CEP250: variants seen among roughly 807,000 people sequenced by gnomAD.
CEP250 encodes centrosome-associated protein CEP250.
A neutral mutation model predicts 315.7 loss-of-function variants in CEP250; 242 were observed. The ratio of observed to expected loss-of-function variants is 0.77; its 90% CI spans 0.69 to 0.85. The LOEUF (loss-of-function observed/expected upper bound fraction) is 0.85. Among genes scored for constraint, CEP250 ranks in the 40% least tolerant of loss-of-function variants. CEP250 has a pLI of 0.00. For synonymous variants in CEP250, 1,088 were observed against 1,175.0 expected, an observed-to-expected ratio of 0.93 and a Z score of 1.51; for missense variants, 2,515 against 2,886.4, an observed-to-expected ratio of 0.87 and a Z score of 2.95.
chr20:35,494,735 C>A, intron 24 of CEP250, 78 bp downstream of exon 24: 1 of 1,542,690 alleles, frequency 6.5e-7, no homozygotes, highest in South Asian at 1.2e-5. Flanking sequence ...GTTGTTTGCT[C>A]AGGCCACCTT....
chr20:35,491,404 C>T (rs1376095199), intron 22 of CEP250, 58 bp downstream of exon 22: 1 of 1,536,850 alleles, frequency 6.5e-7, no homozygotes, highest in Admixed American at 2.0e-5. Context: ...CCCATTCGAC[C>T]ATGAAGGGTT....
chr20:35,490,682 G>GA lies in CEP250; in HGVS notation c.2633dup (p.Ser879GlufsTer112). On this transcript the variant is annotated frameshift_variant, in exon 21 of 35. Transcript: ENST00000397527. LOFTEE classifies it high-confidence loss of function. ...CCAGCAGGAGCTGGCAAAGGCTCTG[G>GA]AGAGCTTAGAAAGGGAAAAAATGGA... 1 of 1,613,826 alleles carries GA rather than the reference G, an allele frequency of 6.2e-7. No individual in the cohort carries two copies.
In CEP250 at chr20:35,504,005, G is replaced by T. The variant is rs748465576; in HGVS notation, c.5636G>T (p.Gly1879Val). ...CTGGAGGAAGAGCTGGCAGTGGAGG[G>T]ACGGCGGGTCCAGGCCCTGGAGGAG... ...RRLEEELAVEGRRVQALEEVL... is the reference protein window; with the variant it reads ...RRLEEELAVEVRRVQALEEVL... Residue 1879 changes from glycine to valine, a missense_variant, in exon 30 of 35, where the codon GGA becomes GTA. Coordinates refer to ENST00000397527, the MANE Select transcript of CEP250 (RefSeq NM_007186.6). The T allele has an allele frequency of 6.2e-7, 1 of 1,609,352 alleles. No individual in the cohort carries two copies. The highest frequency in any genetic ancestry group is 1.7e-4 in the Middle Eastern group (1 of 6,024).
Position 35,515,418 on chromosome 20 carries a change from G to A in CEP250, c.*3792G>A, listed in dbSNP as rs2064426321. The A allele has an allele frequency of 6.6e-6, 1 of 152,308 alleles. No individual in the cohort carries two copies. Among genetic ancestry groups the A allele is most frequent in the Non-Finnish European group, 1.5e-5 (1 of 68,092 alleles). 9.4% of individuals were successfully genotyped at this position (152,308 alleles called of 1,614,324 possible). A position where few individuals can be genotyped will look rare whatever the true frequency, so the allele number is the denominator to read the frequency against. On this transcript the variant is annotated 3_prime_UTR_variant, in exon 35 of 35. Transcript: ENST00000397527. Reference sequence around the variant, plus strand: ...CAAACCAGGCAGACACACCATGCTGGTGAAGGCAGGCTTTGTAGATGCGGG... The same window carrying A: ...CAAACCAGGCAGACACACCATGCTGATGAAGGCAGGCTTTGTAGATGCGGG...
chr20:35,485,478 A>AGATTTTT (rs2063483125), intron 20 of CEP250, among the ~76,000 whole-genome samples: 1 of 151,352 alleles, frequency 6.6e-6, no homozygotes, highest in African/African-American at 2.4e-5. Flanking sequence ...ACCCCAGTCC[A>AGATTTTT]GATTTTTGTT....
At chr20:35,491,088 C>T (rs1411628694) in intron 21 of CEP250, 124 bp from the exon 22 acceptor site, 3 of 1,225,412 alleles carry the variant, frequency 2.4e-6, no homozygotes, top group Non-Finnish European at 3.4e-6. Flanking sequence ...TCAGACCTTC[C>T]TTTGCCCTCA....
In CEP250 at chr20:35,496,640, T is replaced by C; in HGVS notation, c.3231T>C (p.Ile1077=). ...TTGTTTTACAAGAAGCTGACTCTAT[T>C]CGACAACAAGAGCTGAGTGCCCTGC... The part of the protein sequence containing the change: ...RLLVLQEADS[I]RQQELSALRQ... The change falls in exon 25 of 35, where the codon ATT becomes ATC. Residue 1077 remains isoleucine (I), a synonymous_variant. Coordinates refer to ENST00000397527, the MANE Select transcript of CEP250 (RefSeq NM_007186.6). 6.2e-7 allele frequency: 1 copy of C among 1,614,084 alleles called. No homozygotes were observed. The highest frequency in any genetic ancestry group is 8.5e-7 in the Non-Finnish European group (1 of 1,179,998).
Position 35,499,648 on chromosome 20 carries a change from C to T in CEP250, c.3778-401C>T, listed in dbSNP as rs148018701. On this transcript the variant is annotated intron_variant, in intron 27 of 34. Transcript: ENST00000397527. Reference sequence around the variant, plus strand: ...GAGAATTAATTGGATCAATAACAGACGCAAGTGATGCACTGTTGGAACTAG... The same window carrying T: ...GAGAATTAATTGGATCAATAACAGATGCAAGTGATGCACTGTTGGAACTAG... 3.3e-3 allele frequency among the ~76,000 whole-genome samples: 510 copies of T among 152,282 alleles called. 3 individuals carry two copies. Among genetic ancestry groups the T allele is most frequent in the African/African-American group, 0.012 (497 of 41,538 alleles).
In CEP250 at chr20:35,477,861, TGGCCAGTAG is replaced by T. The variant is rs1460428559; in HGVS notation, c.1864-9_1864-1del. ...TGATGCTTGTACTCCCTTCCCTTTT[TGGCCAGTAG>T]TTAGAGGAGGAGAACCAGTCTGTGT... On this transcript the variant is annotated splice_acceptor_variant and splice_polypyrimidine_tract_variant and intron_variant, in intron 16 of 34. Coordinates refer to ENST00000397527, the MANE Select transcript of CEP250 (RefSeq NM_007186.6). LOFTEE classifies it high-confidence loss of function. 6.4e-7 allele frequency: 1 copy of T among 1,565,382 alleles called. No homozygotes were observed. The highest frequency in any genetic ancestry group is 1.9e-5 in the Admixed American group (1 of 51,830).
chr20:35,475,579 A>C lies in CEP250; in HGVS notation c.1649A>C (p.Glu550Ala). Residue 550 changes from glutamate (E) to alanine (A), a missense_variant, in exon 15 of 35, where the codon GAG becomes GCG. Physicochemically the swap from Glu to Ala is moderately radical, Grantham distance 107. Coordinates refer to ENST00000397527, the MANE Select transcript of CEP250 (RefSeq NM_007186.6). ...CTGATCACTCTTCGGGAAGCCCTGG[A>C]GTCAAGTCACCTGGAAGGGGAGTTA... ...SELITLREALESSHLEGELLR... is the reference protein window; with the variant it reads ...SELITLREALASSHLEGELLR... 1.2e-6 allele frequency: 2 copies of C among 1,614,118 alleles called. No homozygotes were observed. The highest frequency in any genetic ancestry group is 1.7e-6 in the Non-Finnish European group (2 of 1,180,012).
rs1360386015 is a variant in CEP250, at chr20:35,473,948, G to A, written c.1467G>A (p.Leu489=). Residue 489 remains leucine, a synonymous_variant, in exon 14 of 35, where the codon CTG becomes CTA. Coordinates refer to ENST00000397527, the MANE Select transcript of CEP250 (RefSeq NM_007186.6). The part of the protein sequence containing the change: ...LEVLEQEAWR[L]RRVNVELQLQ... ...TGCTAGAGCAGGAGGCATGGCGCCTGCGAAGGGTAAATGTGGAGCTTCAGC... is the reference window on the plus strand; with the variant it reads ...TGCTAGAGCAGGAGGCATGGCGCCTACGAAGGGTAAATGTGGAGCTTCAGC... 6 of 1,612,048 alleles carry A rather than the reference G, an allele frequency of 3.7e-6. No individual in the cohort carries two copies. The highest frequency in any genetic ancestry group is 2.2e-5 in the East Asian group (1 of 44,796).
At position 35,515,098 on chromosome 20, in the gene CEP250, C is replaced by T. The variant is rs931568769; in HGVS notation, c.*3472C>T. The T allele has an allele frequency of 7.2e-5, 11 of 152,272 alleles. No individual in the cohort carries two copies. Among genetic ancestry groups the T allele is most frequent in the African/African-American group, 2.2e-4 (9 of 41,414 alleles). The allele number at this position is 152,272 out of a possible 1,614,324, so 9.4% of individuals were successfully genotyped here. On this transcript the variant is annotated 3_prime_UTR_variant, in exon 35 of 35. Coordinates refer to ENST00000397527, the MANE Select transcript of CEP250 (RefSeq NM_007186.6). ...ACGCATGGCCCAGGACTGGCAGAGT[C>T]GGAGCTCGGGGTCTAGCTGTGACCT... is the stretch of plus-strand genomic sequence containing the variant.
intron 28 of CEP250, among the ~76,000 whole-genome samples, chr20:35,501,312 G>C (rs2063995111): frequency 6.6e-6 from 1 of 152,118 alleles, no homozygotes. Flanking sequence ...ATTCCAGCCT[G>C]GGTGACAGAG....
At chr20:35,472,879 A>C (rs1568771611) in intron 12 of CEP250, 48 bp downstream of exon 12, 1 of 1,602,714 alleles carries the variant, frequency 6.2e-7, no homozygotes, top group Non-Finnish European at 8.5e-7. Flanking sequence ...TTGTGTCTAA[A>C]CTGGTTTGTG....
intron 26 of CEP250, among the ~76,000 whole-genome samples, chr20:35,498,385 G>T (rs572723254): frequency 9.8e-5 from 15 of 152,296 alleles, no homozygotes; most frequent in African/African-American, 3.4e-4. Context: ...CTTATTAAGT[G>T]CGTAATAAGT....
At chr20:35,461,517 G>T (rs1217210499) in intron 3 of CEP250, among the ~76,000 whole-genome samples, 1 of 152,224 alleles carries the variant, frequency 6.6e-6, no homozygotes, top group Admixed American at 6.5e-5. Flanking sequence ...GGGTGAGGGG[G>T]TTTGGCCATC....
At chr20:35,461,579 C>T (rs1230075461) in intron 3 of CEP250, among the ~76,000 whole-genome samples, 3 of 152,218 alleles carry the variant, frequency 2.0e-5, no homozygotes, top group African/African-American at 7.2e-5. Context: ...GAAATGCCTG[C>T]TACCCCTTTT....
intron 20 of CEP250, among the ~76,000 whole-genome samples, chr20:35,485,053 C>A (rs1204142360): frequency 7.4e-6 from 1 of 135,156 alleles, no homozygotes; most frequent in Non-Finnish European, 1.6e-5. Flanking sequence ...CATAGCAAGA[C>A]CCTATCTCTT....
intron 10 of CEP250, 54 bp downstream of exon 10, chr20:35,470,040 G>A (rs2062986993): frequency 2.6e-6 from 3 of 1,144,546 alleles, no homozygotes; most frequent in Non-Finnish European, 4.0e-6. Context: ...TAGGTTCCTT[G>A]TGCTTTATGG....
Sources: gnomAD v4.1 joint callset for allele counts (sites outside exome capture counted in the v4.1 genomes callset) on GRCh38, gnomAD v4.1.1 for gene constraint, MANE v1.5 for transcripts, NCBI Gene and HGNC (gene_info 2026-07-23, HGNC 2026-07-21) for gene names.